ARSG: variants seen among roughly 807,000 people sequenced by gnomAD.
ARSG encodes the protein ASG.
In ARSG, 37 loss-of-function variants were observed where a neutral mutation model predicts 50.5. The ratio of observed to expected loss-of-function variants is 0.73; its 90% CI spans 0.56 to 0.96. ARSG has a LOEUF of 0.96. Among genes scored for constraint, ARSG ranks in the 50% least tolerant of loss-of-function variants. The probability of loss-of-function intolerance (pLI) is 0.00; values close to 1 mark genes in which losing one functional copy is unlikely to be tolerated. For missense variants in ARSG, 629 were observed against 675.3 expected, an observed-to-expected ratio of 0.93 and a Z score of 0.76; for synonymous variants, 225 against 254.6, an observed-to-expected ratio of 0.88 and a Z score of 1.11.
upstream of ARSG, among the ~76,000 whole-genome samples, chr17:68,288,118 T>A (rs2075885523): frequency 6.6e-6 from 1 of 151,482 alleles, no homozygotes; most frequent in South Asian, 2.1e-4. Flanking sequence ...TGCCTCAGCC[T>A]CCTGAGTAGT....
At chr17:68,346,877 G>T in intron 3 of ARSG, 1 of 1,435,774 alleles carries the variant, frequency 7.0e-7, no homozygotes. Context: ...GGCTCCTGGT[G>T]ATGGGCTGTC....
At chr17:68,295,042 G>T (rs915964833) in intron 1 of ARSG, among the ~76,000 whole-genome samples, 19 of 152,186 alleles carry the variant, frequency 1.2e-4, no homozygotes, top group African/African-American at 4.3e-4. Context: ...CGTGCAAGGG[G>T]CTTAGCACTG....
At chr17:68,436,470 G>A in the ARSG span, 4 of 1,613,860 alleles carry the variant, frequency 2.5e-6, 1 homozygote, top group South Asian at 4.4e-5. Flanking sequence ...GATAGAGAGA[G>A]CACATAGACC....
At chr17:68,395,706 T>G (rs2081213149) in intron 10 of ARSG, among the ~76,000 whole-genome samples, 1 of 152,238 alleles carries the variant, frequency 6.6e-6, no homozygotes, top group Admixed American at 6.5e-5. Context: ...TTTAATAACA[T>G]AGCTACCCAG....
chr17:68,417,733 A>ATTTTTTTTTTTTTTTTTTTTTTTTT lies in ARSG; in HGVS notation c.1304-2448_1304-2424dup, dbSNP rs770292731. ...CAAAAGACCTAATAAGAGTTGCTGA[A>ATTTTTTTTTTTTTTTTTTTTTTTTT]TTTTTTTTTTTTTTTTTTTTTTTTT... On this transcript the variant is annotated intron_variant, in intron 11 of 11. Coordinates refer to ENST00000621439, the MANE Select transcript of ARSG (RefSeq NM_001267727.2). Among the ~76,000 whole-genome samples the ATTTTTTTTTTTTTTTTTTTTTTTTT allele has an allele frequency of 4.9e-5, 3 of 60,788 alleles. 1 individual carries two copies. The highest frequency in any genetic ancestry group is 8.7e-5 in the Non-Finnish European group (3 of 34,584). 39.9% of individuals were successfully genotyped at this position (60,788 alleles called of 152,430 possible). A position where few individuals can be genotyped will look rare whatever the true frequency, so the allele number is the denominator to read the frequency against.
intron 1 of ARSG, among the ~76,000 whole-genome samples, chr17:68,283,786 G>A (rs1256577954): frequency 6.7e-6 from 1 of 148,898 alleles, no homozygotes; most frequent in East Asian, 2.0e-4. Context: ...GCTGAGGCAG[G>A]AGAATCACTT....
chr17:68,303,988 C>T (rs1252869976), intron 1 of ARSG, among the ~76,000 whole-genome samples: 3 of 152,160 alleles, frequency 2.0e-5, no homozygotes, highest in African/African-American at 7.2e-5. Context: ...TTTGAAAATC[C>T]TCAATGGAAT....
chr17:68,277,947 A>C (rs1211209169), intron 1 of ARSG: 5 of 610,598 alleles, frequency 8.2e-6, no homozygotes, highest in Non-Finnish European at 1.4e-5. Flanking sequence ...TGCTCTGAAA[A>C]CCCTGTTAGT....
chr17:68,420,459 C>T lies in ARSG; in HGVS notation c.1574C>T (p.Ala525Val), dbSNP rs1368140484. 6.2e-7 allele frequency: 1 copy of T among 1,605,632 alleles called. No individual in the cohort carries two copies. Among genetic ancestry groups the T allele is most frequent in the Non-Finnish European group, 8.5e-7 (1 of 1,173,928 alleles). The change falls in exon 12 of 12, where the codon GCA (alanine) becomes GTA (valine). Residue 525 changes from alanine to valine, a missense_variant. Coordinates refer to ENST00000621439, the MANE Select transcript of ARSG (RefSeq NM_001267727.2). ...CAAATTGCCTGCCGCTGTCAAGCCG[C>T]ATAACAGACCAATTTTTATTCCACG... is the stretch of plus-strand genomic sequence containing the variant. ...PYQIACRCQA[A>V]
chr17:68,428,607 T>G, the ARSG span: 1 of 491,454 alleles, frequency 2.0e-6, no homozygotes, highest in Non-Finnish European at 3.7e-6. Context: ...GAGACCATCT[T>G]GTGTGTTATT....
intron 8 of ARSG, among the ~76,000 whole-genome samples, chr17:68,377,246 A>C (rs2080196082): frequency 6.6e-6 from 1 of 152,240 alleles, no homozygotes; most frequent in African/African-American, 2.4e-5. Flanking sequence ...CCCCGAGGCC[A>C]GCCAGCAATG....
intron 1 of ARSG, among the ~76,000 whole-genome samples, chr17:68,270,172 ATTAGTTCTATCAT>A (rs1290957449): frequency 6.6e-6 from 1 of 152,226 alleles, no homozygotes; most frequent in South Asian, 2.1e-4. Flanking sequence ...ACAGAAGTCC[ATTAGTTCTATCAT>A]TCCAAAAGTC....
chr17:68,408,547 C>T (rs543405852), intron 11 of ARSG, among the ~76,000 whole-genome samples: 2,107 of 152,018 alleles, frequency 0.014, 57 homozygotes, highest in African/African-American at 0.048. Context: ...GGGTTGGTTC[C>T]AAGTCTTTGC....
chr17:68,426,243 G>C, downstream of ARSG: 4 of 935,352 alleles, frequency 4.3e-6, no homozygotes, highest in Non-Finnish European at 3.2e-6. Context: ...CCTGGCGGGT[G>C]GGGAGCGGGG....
At chr17:68,306,048 G>GGGCAACAAGC (rs2076594705) in intron 1 of ARSG, among the ~76,000 whole-genome samples, 1 of 151,754 alleles carries the variant, frequency 6.6e-6, no homozygotes, top group Non-Finnish European at 1.5e-5. Flanking sequence ...TGTTGCCCAG[G>GGGCAACAAGC]CTGGAGTGCA....
upstream of ARSG, among the ~76,000 whole-genome samples, chr17:68,286,825 A>G (rs868951644): frequency 7.9e-5 from 12 of 152,244 alleles, no homozygotes; most frequent in Middle Eastern, 6.8e-3. Context: ...ACTGAATTCT[A>G]TTAATCAACT....
chr17:68,337,680 C>T (rs146932255), intron 2 of ARSG, among the ~76,000 whole-genome samples: 18 of 152,212 alleles, frequency 1.2e-4, no homozygotes, highest in African/African-American at 1.7e-4. Context: ...GGCAATGGCA[C>T]GGTCTCAGCT....
chr17:68,365,205 G>T (rs532154379), intron 6 of ARSG, among the ~76,000 whole-genome samples: 2 of 152,128 alleles, frequency 1.3e-5, no homozygotes, highest in Non-Finnish European at 2.9e-5. Flanking sequence ...CCAGCTACTC[G>T]GGAGGCTGAG....
chr17:68,420,396 C>T lies in ARSG; in HGVS notation c.1511C>T (p.Thr504Ile). Reference sequence around the variant, plus strand: ...GACAACATCTCCAGCGCAGATTACACTCAGGACCCTTCAGTAACTCCCTGC... The same window carrying T: ...GACAACATCTCCAGCGCAGATTACATTCAGGACCCTTCAGTAACTCCCTGC... ...ANDNISSADY[T>I]QDPSVTPCCN... The change falls in exon 12 of 12, where the codon ACT (threonine) becomes ATT (isoleucine). Residue 504 changes from threonine (T) to isoleucine (I), a missense_variant. Thr to Ile is a moderately conservative substitution (Grantham distance 89, BLOSUM62 -1). Coordinates refer to ENST00000621439, the MANE Select transcript of ARSG (RefSeq NM_001267727.2). 1 of 1,614,204 alleles carries T rather than the reference C, an allele frequency of 6.2e-7. No homozygotes were observed. Among genetic ancestry groups the T allele is most frequent in the Non-Finnish European group, 8.5e-7 (1 of 1,180,038 alleles).
Sources: gnomAD v4.1 joint callset for allele counts (sites outside exome capture counted in the v4.1 genomes callset) on GRCh38, gnomAD v4.1.1 for gene constraint, MANE v1.5 for transcripts, NCBI Gene and HGNC (gene_info 2026-07-23, HGNC 2026-07-21) for gene names.